The following FSCN2 variants were observed in gnomAD, a reference collection of about 807,000 sequenced individuals.
The protein encoded by FSCN2 is fascin-2.
FSCN2 carries 46 observed loss-of-function variants against 37.8 expected under a neutral mutation model. The observed-to-expected ratio is 1.22, with a 90% confidence interval of 0.96 to 1.56. FSCN2 has a LOEUF of 1.56. Among genes scored for constraint, FSCN2 ranks in the 40% most tolerant of loss-of-function variants. The pLI is 0.00. For synonymous variants in FSCN2, 351 were observed against 309.4 expected (o/e 1.13, Z -1.41); for missense variants, 844 against 730.4 (o/e 1.16, Z -1.79).
upstream of FSCN2, among the ~76,000 whole-genome samples, chr17:81,524,164 G>A (rs978539700): frequency 7.2e-5 from 11 of 152,232 alleles, no homozygotes; most frequent in African/African-American, 2.4e-4. Context: ...ACCAGGTGCC[G>A]GTGGGGGCGC....
chr17:81,536,101 C>T (rs1380243585), intron 2 of FSCN2, 45 bp from the exon 3 acceptor site: 4 of 1,590,938 alleles, frequency 2.5e-6, no homozygotes, highest in Non-Finnish European at 3.4e-6. Context: ...ACCCTGCACC[C>T]CCATCTCCTG....
Position 81,529,386 on chromosome 17 carries a change from G to C in FSCN2, c.826+29G>C, listed in dbSNP as rs1555670860. On this transcript the variant is annotated intron_variant, in intron 1 of 4. Coordinates refer to ENST00000417245, the MANE Select transcript of FSCN2 (RefSeq NM_012418.4). The stretch of plus-strand genomic sequence containing the variant: ...GGGAGGGCACAGGTGGCGACCTCCT[G>C]AGGGGTGCTGGGACCCCCCTGCTTC... 3 of 1,498,324 alleles carry C rather than the reference G, an allele frequency of 2.0e-6. No individual in the cohort carries two copies. In the African/African-American group the frequency reaches 4.2e-5, roughly 21 times the overall value. 92.8% of individuals were successfully genotyped at this position (1,498,324 alleles called of 1,614,324 possible). A position where few individuals can be genotyped will look rare whatever the true frequency, so the allele number is the denominator to read the frequency against.
intron 1 of FSCN2, chr17:81,529,685 G>A (rs373832433): frequency 2.2e-5 from 13 of 589,774 alleles, no homozygotes; most frequent in African/African-American, 2.0e-4. Flanking sequence ...GCCAGGCGAT[G>A]GGCAGTGCCC....
rs761536850 is a variant in FSCN2, at chr17:81,536,228, A to T, written c.1066A>T (p.Lys356Ter). 6.2e-7 allele frequency: 1 copy of T among 1,601,764 alleles called. No individual in the cohort carries two copies. Among genetic ancestry groups the T allele is most frequent in the Non-Finnish European group, 8.5e-7 (1 of 1,174,768 alleles). ...CAGCAACGGGCGCTACGTGTGCATG[A>T]AGAAGAATGGGCAGCTGGCGGCTAT... ...KASNGRYVCM[K>*]KNGQLAAISD... Residue 356 changes from lysine (K) to a stop codon, truncating the protein, a stop_gained, in exon 3 of 5, where the codon AAG (lysine) becomes TAG (stop). Transcript: ENST00000417245. LOFTEE classifies it high-confidence loss of function.
intron 1 of FSCN2, chr17:81,530,164 C>G: frequency 3.5e-6 from 1 of 286,046 alleles, no homozygotes; most frequent in Non-Finnish European, 7.0e-6. Flanking sequence ...GGGCAGGGAG[C>G]TGGGGATCGG....
In FSCN2 at chr17:81,528,516, C is replaced by T. The variant is rs1555670470; in HGVS notation, c.-16C>T. 9 of 1,567,538 alleles carry T rather than the reference C, an allele frequency of 5.7e-6. No individual in the cohort carries two copies. The highest frequency in any genetic ancestry group is 7.8e-6 in the Non-Finnish European group (9 of 1,154,852). On this transcript the variant is annotated 5_prime_UTR_variant, in exon 1 of 5. Coordinates refer to ENST00000417245, the MANE Select transcript of FSCN2 (RefSeq NM_012418.4). ...GGCGCATCCCAGGCCCCTCCGGGGACCCGGCCAGCCTGAAGATGCCGACGA... is the reference window on the plus strand; with the variant it reads ...GGCGCATCCCAGGCCCCTCCGGGGATCCGGCCAGCCTGAAGATGCCGACGA...
the FSCN2 span, among the ~76,000 whole-genome samples, chr17:81,520,875 C>A: frequency 2.0e-5 from 3 of 152,122 alleles, no homozygotes; most frequent in African/African-American, 7.2e-5. Flanking sequence ...CAATTTCTTT[C>A]TTTTGTTTTC....
intron 1 of FSCN2, 66 bp downstream of exon 1, chr17:81,529,423 C>A: frequency 8.1e-7 from 1 of 1,232,790 alleles, no homozygotes; most frequent in Non-Finnish European, 1.1e-6. Flanking sequence ...GGGAGGAGGC[C>A]GTGGGGGTCT....
chr17:81,522,264 A>C, the FSCN2 span, among the ~76,000 whole-genome samples: 3 of 152,308 alleles, frequency 2.0e-5, no homozygotes, highest in Non-Finnish European at 4.4e-5. Flanking sequence ...CTCGGCCTCC[A>C]AAAGTGCTTG....
rs1847648512 is a variant in FSCN2 at position 81,536,890 on chromosome 17, T to G, written c.1289T>G (p.Phe430Cys). ...CGTCCCCCAGGCCGCGACGGAGGGT[T>G]CTGGTACACGGGCAGCCACGGCAGC... ...AYRIRGRDGG[F>C]WYTGSHGSVC... is the part of the protein sequence containing the mutation. The change falls in exon 5 of 5, where the codon TTC becomes TGC. Residue 430 changes from phenylalanine (F) to cysteine (C), a missense_variant. By Grantham distance (205) the Phe-to-Cys change is radical. Coordinates refer to ENST00000417245, the MANE Select transcript of FSCN2 (RefSeq NM_012418.4). 1 of 1,579,014 alleles carries G rather than the reference T, an allele frequency of 6.3e-7. No homozygotes were observed. Among genetic ancestry groups the G allele is most frequent in the Non-Finnish European group, 8.6e-7 (1 of 1,163,988 alleles).
chr17:81,523,696 G>C (rs1241902219), upstream of FSCN2: 1 of 152,360 alleles, frequency 6.6e-6, no homozygotes, highest in African/African-American at 2.4e-5. Context: ...TCAGGGCCTG[G>C]CACTGAGGTG....
chr17:81,532,575 GTGA>G (rs1221003390), intron 1 of FSCN2, among the ~76,000 whole-genome samples: 14 of 142,976 alleles, frequency 9.8e-5, no homozygotes, highest in African/African-American at 2.9e-4. Context: ...GGTGATGGTG[GTGA>G]TGATAGTGAT....
rs2143851652 is a variant in FSCN2, at chr17:81,529,259, A to G, written c.728A>G (p.Asn243Ser). ...GCAGGCACCCTCAAGGCCGGCCGAA[A>G]CACGCGACCTGGCAAGGATGAGCTC... is the stretch of plus-strand genomic sequence containing the variant. Reference protein sequence around the residue: ...GPAGTLKAGRNTRPGKDELFD... With the variant: ...GPAGTLKAGRSTRPGKDELFD... The change falls in exon 1 of 5, where the codon AAC becomes AGC. Residue 243 changes from asparagine to serine, a missense_variant. By Grantham distance (46) the Asn-to-Ser change is conservative (BLOSUM62 1). Transcript: ENST00000417245. The G allele has an allele frequency of 6.3e-7, 1 of 1,596,702 alleles. No individual in the cohort carries two copies. Among genetic ancestry groups the G allele is most frequent in the East Asian group, 2.3e-5 (1 of 44,426 alleles).
chr17:81,531,332 G>GAT, intron 1 of FSCN2, among the ~76,000 whole-genome samples: 1 of 141,400 alleles, frequency 7.1e-6, no homozygotes, highest in Admixed American at 6.9e-5. Context: ...TGGTGGTGGT[G>GAT]GTGATGGTGG....
chr17:81,531,630 GTGA>G (rs1365915704), intron 1 of FSCN2, among the ~76,000 whole-genome samples: 35 of 128,246 alleles, frequency 2.7e-4, no homozygotes, highest in South Asian at 1.4e-3. Flanking sequence ...GATGGTGGTG[GTGA>G]TGGTGGTGGT....
rs1347816093 is a variant in FSCN2, at chr17:81,536,970, G to A, written c.1369G>A (p.Gly457Ser). The A allele has an allele frequency of 1.9e-6, 3 of 1,543,990 alleles. No homozygotes were observed. Among genetic ancestry groups the A allele is most frequent in the Non-Finnish European group, 2.6e-6 (3 of 1,153,770 alleles). Residue 457 changes from glycine (G) to serine (S), a missense_variant, in exon 5 of 5, where the codon GGC (glycine) becomes AGC (serine). Physicochemically the swap from Gly to Ser is moderately conservative, Grantham distance 56. Transcript: ENST00000417245. ...EDFVFEFRER[G>S]RLAIRARSGK... ...CTTCGTCTTCGAGTTCCGTGAGCGC[G>A]GCCGCCTGGCCATCCGCGCCCGGAG...
At chr17:81,526,097 G>T (rs569712137), upstream of FSCN2, among the ~76,000 whole-genome samples, 1 of 152,172 alleles carries the variant, frequency 6.6e-6, no homozygotes, top group East Asian at 1.9e-4. Context: ...ACTTAGTGCC[G>T]GGCGGCCAGG....
chr17:81,535,503 A>C, intron 2 of FSCN2, among the ~76,000 whole-genome samples: 1 of 15,712 alleles, frequency 6.4e-5, no homozygotes, highest in African/African-American at 2.8e-4. Context: ...CCCCATCACC[A>C]CCATCCCCAT....
chr17:81,535,211 G>C lies in FSCN2; in HGVS notation c.983+3G>C. The C allele has an allele frequency of 6.6e-7, 1 of 1,526,190 alleles. No homozygotes were observed. 94.5% of individuals were successfully genotyped at this position (1,526,190 alleles called of 1,614,324 possible). A position where few individuals can be genotyped will look rare whatever the true frequency, so the allele number is the denominator to read the frequency against. ...ATTCACGCCACAGCCACACAAGTGTGAGTGCACACATCCCTTCCTCCTCCA... is the reference window on the plus strand; with the variant it reads ...ATTCACGCCACAGCCACACAAGTGTCAGTGCACACATCCCTTCCTCCTCCA... On this transcript the variant is annotated splice_donor_region_variant and intron_variant, in intron 2 of 4. Transcript: ENST00000417245.
Sources: allele counts gnomAD v4.1 joint callset (sites outside exome capture counted in the v4.1 genomes callset), GRCh38; gene constraint gnomAD v4.1.1; transcripts MANE v1.5; gene names NCBI Gene and HGNC (gene_info 2026-07-23, HGNC 2026-07-21).